The following DACH2 variants were observed in gnomAD, a reference collection of about 807,000 sequenced individuals.
The protein encoded by DACH2 is dachshund homolog 2.
In DACH2, 17 loss-of-function variants were observed where a neutral mutation model predicts 35.8. That is an observed-to-expected ratio of 0.48 (90% CI 0.33 to 0.71). The LOEUF is 0.71. Ranked by LOEUF, DACH2 falls within the 30% of genes least tolerant of loss-of-function variation. The pLI is 0.02. For missense variants in DACH2, 469 were observed against 472.7 expected, an observed-to-expected ratio of 0.99 and a Z score of 0.07; for synonymous variants, 195 against 177.3, an observed-to-expected ratio of 1.10 and a Z score of -0.79.
At chrX:86,438,934 C>A (rs184490935) in intron 2 of DACH2, among the ~76,000 whole-genome samples, 106 of 112,131 alleles carry the variant, frequency 9.5e-4, no homozygotes, top group African/African-American at 3.2e-3. Flanking sequence ...TTTTGATTTG[C>A]ATCTTTTATT....
chrX:86,465,486 C>T (rs756772013), intron 2 of DACH2, among the ~76,000 whole-genome samples: 1 of 111,401 alleles, frequency 9.0e-6, no homozygotes, highest in South Asian at 3.8e-4. Flanking sequence ...GAGTAAGGGG[C>T]ACCACATACA....
chrX:86,271,918 G>A (rs146760779), intron 1 of DACH2, among the ~76,000 whole-genome samples: 2,412 of 110,661 alleles, frequency 0.022, 68 homozygotes, highest in African/African-American at 0.075. Flanking sequence ...AGGGCATTTA[G>A]GGTATCCATC....
intron 2 of DACH2, among the ~76,000 whole-genome samples, chrX:86,393,887 A>C (rs1404225314): frequency 6.3e-5 from 7 of 110,618 alleles, no homozygotes; most frequent in African/African-American, 2.3e-4. Context: ...TAAAACACTT[A>C]TCTTTATCCC....
intron 1 of DACH2, among the ~76,000 whole-genome samples, chrX:86,303,033 G>A (rs1454288982): frequency 1.9e-5 from 2 of 104,468 alleles, no homozygotes; most frequent in Non-Finnish European, 3.9e-5. Flanking sequence ...GAAGCACAGA[G>A]CAGGTAAGTA....
chrX:86,220,140 T>C (rs1389478104), intron 1 of DACH2, among the ~76,000 whole-genome samples: 3 of 85,238 alleles, frequency 3.5e-5, no homozygotes, highest in African/African-American at 1.5e-4. Flanking sequence ...CACTCCAGCC[T>C]GGGTGACAGA....
chrX:86,719,153 A>G (rs1200140306), intron 6 of DACH2, among the ~76,000 whole-genome samples: 1 of 111,937 alleles, frequency 8.9e-6, no homozygotes, highest in Non-Finnish European at 1.9e-5. Flanking sequence ...TACTTTCACC[A>G]GTGTTTTGTA....
chrX:86,669,352 C>A lies in DACH2; in HGVS notation c.772+18185C>A, dbSNP rs116255580. ...TTATCAACTTCAGTCATGTTGCATT[C>A]GTTTGCTTTCCAATTCTTGTTTTAG... On this transcript the variant is annotated intron_variant, in intron 4 of 11. Transcript: ENST00000373125. Among the ~76,000 whole-genome samples, 981 of 110,656 alleles carry A rather than the reference C, an allele frequency of 8.9e-3. 13 individuals carry two copies. Among genetic ancestry groups the A allele is most frequent in the African/African-American group, 0.03 (926 of 30,550 alleles).
At chrX:86,336,645 C>T (rs746497008) in intron 1 of DACH2, among the ~76,000 whole-genome samples, 9 of 111,427 alleles carry the variant, frequency 8.1e-5, no homozygotes, top group Non-Finnish European at 1.7e-4. Flanking sequence ...GCTTAAAATT[C>T]TAAAAACCAG....
At chrX:86,572,996 T>C (rs2039390632) in intron 3 of DACH2, among the ~76,000 whole-genome samples, 1 of 111,733 alleles carries the variant, frequency 8.9e-6, no homozygotes, top group South Asian at 3.7e-4. Context: ...ATTTGATTTC[T>C]GTTTGCTCTT....
chrX:86,368,883 T>C (rs1274303446), intron 1 of DACH2, among the ~76,000 whole-genome samples: 1 of 111,281 alleles, frequency 9.0e-6, no homozygotes, highest in Non-Finnish European at 1.9e-5. Flanking sequence ...CATAGCTTAT[T>C]AAGGAAAAAA....
intron 2 of DACH2, among the ~76,000 whole-genome samples, chrX:86,488,018 T>C (rs12841832): frequency 1.8e-5 from 2 of 111,432 alleles, no homozygotes; most frequent in African/African-American, 6.5e-5. Context: ...TTTTGGTAGG[T>C]ATTATACTTA....
chrX:86,556,787 TATATATATAG>T (rs1297583825), intron 3 of DACH2, among the ~76,000 whole-genome samples: 833 of 39,724 alleles, frequency 0.021, 3 homozygotes, highest in Middle Eastern at 0.042. Flanking sequence ...TATATATATA[TATATATATAG>T]AGAGAGAGAG....
intron 6 of DACH2, among the ~76,000 whole-genome samples, chrX:86,734,657 G>A (rs1437402332): frequency 9.0e-6 from 1 of 111,311 alleles, no homozygotes; most frequent in African/African-American, 3.3e-5. Flanking sequence ...ACAGACCAAT[G>A]CTTGAATTGG....
chrX:86,768,590 T>A (rs1318137302), intron 7 of DACH2, among the ~76,000 whole-genome samples: 1 of 111,755 alleles, frequency 8.9e-6, no homozygotes, highest in African/African-American at 3.3e-5. Context: ...AGATTGGGTG[T>A]TCAGCAGAAT....
At chrX:86,613,210 T>TA (rs1408647060) in intron 3 of DACH2, among the ~76,000 whole-genome samples, 2 of 111,790 alleles carry the variant, frequency 1.8e-5, no homozygotes, top group Non-Finnish European at 3.8e-5. Flanking sequence ...GTTTTCTGTT[T>TA]AAAAAAATCT....
chrX:86,602,367 G>A (rs972709762), intron 3 of DACH2, among the ~76,000 whole-genome samples: 1 of 112,239 alleles, frequency 8.9e-6, no homozygotes, highest in Non-Finnish European at 1.9e-5. Flanking sequence ...AATACCTTGA[G>A]TACGACTATT....
At position 86,296,124 on chromosome X, in the gene DACH2, A is replaced by G. The variant is rs1238041343; in HGVS notation, c.489-80700A>G. On this transcript the variant is annotated intron_variant, in intron 1 of 11. Transcript: ENST00000373125. The stretch of plus-strand genomic sequence containing the variant: ...GCCGGGCGAGGTGGCTCACGCTTGT[A>G]ATCTCAGCACTTTGGGAGGCCGAGG... Among the ~76,000 whole-genome samples, 8 of 109,373 alleles carry G rather than the reference A, an allele frequency of 7.3e-5. No homozygotes were observed. The East Asian group carries it at 8.6e-4, about 12-fold the overall frequency. 95.0% of individuals were successfully genotyped at this position (109,373 alleles called of 115,157 possible).
chrX:86,766,636 A>T (rs1245023217), intron 7 of DACH2, among the ~76,000 whole-genome samples: 1 of 112,030 alleles, frequency 8.9e-6, no homozygotes, highest in Non-Finnish European at 1.9e-5. Flanking sequence ...TTGCCATTTC[A>T]TTCTTGCTAT....
At chrX:86,574,499 C>T (rs1292176682) in intron 3 of DACH2, among the ~76,000 whole-genome samples, 1 of 111,203 alleles carries the variant, frequency 9.0e-6, no homozygotes, top group African/African-American at 3.3e-5. Context: ...TGTGCCTAGG[C>T]TTAGAGATAT....
Sources: allele counts gnomAD v4.1 joint callset (sites outside exome capture counted in the v4.1 genomes callset), GRCh38; gene constraint gnomAD v4.1.1; transcripts MANE v1.5; gene names NCBI Gene and HGNC (gene_info 2026-07-23, HGNC 2026-07-21).